The following DPP6 variants were observed in gnomAD, a reference collection of about 807,000 sequenced individuals.
DPP6 encodes A-type potassium channel modulatory protein DPP6.
DPP6 carries 69 observed loss-of-function variants against 122.6 expected under a neutral mutation model. The observed-to-expected ratio is 0.56, with a 90% CI of 0.46 to 0.69. DPP6 has a LOEUF of 0.69. DPP6 is among the 30% of genes least tolerant of loss of function. The pLI is 0.00. For synonymous variants in DPP6, 418 were observed against 433.1 expected (o/e 0.97, Z 0.43); for missense variants, 928 against 1,116.9 (o/e 0.83, Z 2.41).
intron 1 of DPP6, among the ~76,000 whole-genome samples, chr7:154,345,674 G>C (rs1810336239): frequency 6.6e-6 from 1 of 152,134 alleles, no homozygotes; most frequent in African/African-American, 2.4e-5. Flanking sequence ...CATTGGCTGA[G>C]AGCCCAGAGG....
intron 3 of DPP6, among the ~76,000 whole-genome samples, chr7:154,484,638 C>G (rs1489968760): frequency 6.6e-6 from 1 of 152,158 alleles, no homozygotes; most frequent in South Asian, 2.1e-4. Flanking sequence ...GCAGCATGTT[C>G]AACTTTAGTC....
At chr7:153,987,441 AT>A (rs909686518) in intron 1 of DPP6, among the ~76,000 whole-genome samples, 1 of 152,218 alleles carries the variant, frequency 6.6e-6, no homozygotes, top group African/African-American at 2.4e-5. Context: ...TTGGAAGCTT[AT>A]TCCCCCTCAC....
rs192469602 is a variant in DPP6, at chr7:154,181,490, G to A, written c.243+128427G>A. 7.9e-5 allele frequency among the ~76,000 whole-genome samples: 12 copies of A among 152,216 alleles called. No individual in the cohort carries two copies. The East Asian group carries it at 1.9e-3, about 25-fold the overall frequency. On this transcript the variant is annotated intron_variant, in intron 1 of 25. Coordinates refer to ENST00000377770, the MANE Select transcript of DPP6 (RefSeq NM_130797.4). ...TCTGTAGAGAGAGCCAACTGATGAC[G>A]GCCTTAAATAAAGATCCTGAAACTC...
chr7:154,010,626 T>G (rs1798114818), intron 1 of DPP6, among the ~76,000 whole-genome samples: 1 of 152,236 alleles, frequency 6.6e-6, no homozygotes, highest in Admixed American at 6.5e-5. Context: ...AGATAGCAAC[T>G]AAGGATTAAA....
intron 7 of DPP6, among the ~76,000 whole-genome samples, chr7:154,707,202 C>T (rs1840880168): frequency 6.6e-6 from 1 of 152,184 alleles, no homozygotes; most frequent in South Asian, 2.1e-4. Flanking sequence ...AGGTTGATGA[C>T]ACTTATTATG....
chr7:154,425,079 G>A (rs999912193), intron 1 of DPP6, among the ~76,000 whole-genome samples: 2 of 152,110 alleles, frequency 1.3e-5, no homozygotes, highest in Non-Finnish European at 2.9e-5. Context: ...AGTGTCAGAC[G>A]GATAACTTAT....
At chr7:154,128,798 G>A (rs1413607062) in intron 1 of DPP6, among the ~76,000 whole-genome samples, 1 of 149,912 alleles carries the variant, frequency 6.7e-6, no homozygotes, top group African/African-American at 2.4e-5. Flanking sequence ...AATCTTAGCA[G>A]GGACTCAAAT....
At chr7:154,368,339 A>T (rs1812356717) in intron 1 of DPP6, among the ~76,000 whole-genome samples, 1 of 152,200 alleles carries the variant, frequency 6.6e-6, no homozygotes, top group Admixed American at 6.5e-5. Flanking sequence ...CAGCAGCATC[A>T]GCCTCACTTG....
At chr7:154,757,799 C>T (rs1795231814) in intron 8 of DPP6, among the ~76,000 whole-genome samples, 1 of 152,218 alleles carries the variant, frequency 6.6e-6, no homozygotes, top group Non-Finnish European at 1.5e-5. Context: ...ATCCCTGTTA[C>T]CACAGGGGTG....
At chr7:154,704,301 CAAAG>C (rs1840701184) in intron 7 of DPP6, among the ~76,000 whole-genome samples, 1 of 152,140 alleles carries the variant, frequency 6.6e-6, no homozygotes, top group African/African-American at 2.4e-5. Context: ...TAGGAACGAG[CAAAG>C]AAAGTGTTTC....
chr7:154,789,665 C>T (rs1225392428), intron 10 of DPP6, among the ~76,000 whole-genome samples: 1 of 152,228 alleles, frequency 6.6e-6, no homozygotes, highest in Non-Finnish European at 1.5e-5. Flanking sequence ...GGAGAGTCCA[C>T]ACTCGATGTG....
intron 1 of DPP6, among the ~76,000 whole-genome samples, chr7:154,293,668 A>G (rs7798835): frequency 0.026 from 3,886 of 151,038 alleles, 158 homozygotes; most frequent in African/African-American, 0.087. Flanking sequence ...GACATCTTTC[A>G]GTTATTCATG....
At chr7:154,765,238 C>T (rs1435647103) in intron 8 of DPP6, among the ~76,000 whole-genome samples, 2 of 152,212 alleles carry the variant, frequency 1.3e-5, no homozygotes, top group Admixed American at 6.5e-5. Flanking sequence ...ACCAAACTCA[C>T]CTGAAGAGGT....
At chr7:154,387,802 G>T (rs190166694) in intron 1 of DPP6, among the ~76,000 whole-genome samples, 1 of 152,138 alleles carries the variant, frequency 6.6e-6, no homozygotes, top group Admixed American at 6.5e-5. Flanking sequence ...GGAGAAGCTG[G>T]TGACTAACCA....
chr7:154,313,920 A>G (rs921251211), intron 1 of DPP6, among the ~76,000 whole-genome samples: 1 of 151,498 alleles, frequency 6.6e-6, no homozygotes, highest in Admixed American at 6.6e-5. Context: ...CATATGGTAC[A>G]TATGACTTGG....
At chr7:154,085,185 C>G (rs1269455531) in intron 1 of DPP6, among the ~76,000 whole-genome samples, 2 of 152,188 alleles carry the variant, frequency 1.3e-5, no homozygotes, top group Non-Finnish European at 2.9e-5. Context: ...CTGACTTAGC[C>G]TACACACTGG....
intron 1 of DPP6, among the ~76,000 whole-genome samples, chr7:154,116,906 C>G (rs1195378074): frequency 6.6e-6 from 1 of 152,202 alleles, no homozygotes; most frequent in Non-Finnish European, 1.5e-5. Context: ...ATTCTTAATT[C>G]TTCTTCTCCA....
chr7:154,197,539 G>A (rs1798932055), intron 1 of DPP6, among the ~76,000 whole-genome samples: 1 of 152,116 alleles, frequency 6.6e-6, no homozygotes, highest in African/African-American at 2.4e-5. Flanking sequence ...CAAACAAGAG[G>A]TAGTCCAGCT....
chr7:154,172,604 T>C (rs946215778), intron 1 of DPP6, among the ~76,000 whole-genome samples: 1 of 147,804 alleles, frequency 6.8e-6, no homozygotes, highest in Non-Finnish European at 1.5e-5. Context: ...TCTTTTTTTT[T>C]CTTTTTTTTT....
Sources: gnomAD v4.1 joint callset for allele counts (sites outside exome capture counted in the v4.1 genomes callset) on GRCh38, gnomAD v4.1.1 for gene constraint, MANE v1.5 for transcripts, NCBI Gene and HGNC (gene_info 2026-07-23, HGNC 2026-07-21) for gene names.